The following WNT7B variants were observed in gnomAD, a reference collection of about 807,000 sequenced individuals.
WNT7B encodes the protein protein Wnt-7b.
WNT7B carries 19 observed loss-of-function variants against 38.2 expected under a neutral mutation model. That is an observed-to-expected ratio of 0.50 (90% confidence interval 0.35 to 0.73). The LOEUF (loss-of-function observed/expected upper bound fraction) is 0.73, where lower values mean the gene tolerates loss of function less well. WNT7B is among the 30% of genes least tolerant of loss of function. The pLI, the probability that WNT7B is intolerant of heterozygous loss-of-function variation, is 0.01. For synonymous variants in WNT7B, 243 were observed against 209.3 expected (o/e 1.16, Z -1.39); for missense variants, 423 against 507.9 (o/e 0.83, Z 1.61).
At chr22:45,936,613 G>A (rs1039160845) in intron 2 of WNT7B, among the ~76,000 whole-genome samples, 1 of 152,210 alleles carries the variant, frequency 6.6e-6, no homozygotes, top group Admixed American at 6.5e-5. Flanking sequence ...GCCCTCAAAG[G>A]ACCCCCTGGC....
chr22:45,970,147 G>T (rs1932401761), intron 1 of WNT7B, among the ~76,000 whole-genome samples: 1 of 152,196 alleles, frequency 6.6e-6, no homozygotes. Flanking sequence ...ACGTGTCTGG[G>T]TTCCTCTCCG....
chr22:45,929,898 ATC>A (rs1491269025), intron 3 of WNT7B, among the ~76,000 whole-genome samples: 55 of 150,938 alleles, frequency 3.6e-4, no homozygotes, highest in African/African-American at 1.3e-3. Flanking sequence ...TCATCCACTC[ATC>A]TATCTACCCA....
chr22:45,972,116 G>GGGGGGGGCCCCCCCCCC, intron 1 of WNT7B: 3 of 530,746 alleles, frequency 5.7e-6, no homozygotes, highest in Admixed American at 4.1e-5. Context: ...CCCGGGGGGA[G>GGGGGGGGCCCCCCCCCC]CCCACCCGCC....
intron 1 of WNT7B, among the ~76,000 whole-genome samples, chr22:45,956,176 T>A (rs1932056546): frequency 1.3e-5 from 2 of 152,146 alleles, no homozygotes; most frequent in African/African-American, 4.8e-5. Context: ...AGTCTGCAAA[T>A]TCCTAGCTGT....
chr22:45,949,870 C>T (rs1349328575), intron 2 of WNT7B, 50 bp downstream of exon 2: 12 of 1,555,766 alleles, frequency 7.7e-6, no homozygotes, highest in African/African-American at 1.4e-5. Context: ...GCCTGGCCTA[C>T]TGCCCCTGGC....
chr22:45,974,804 G>C (rs952130801), intron 1 of WNT7B, among the ~76,000 whole-genome samples: 15 of 152,126 alleles, frequency 9.9e-5, no homozygotes, highest in Non-Finnish European at 2.1e-4. Context: ...ACCTCTCTCA[G>C]ACACTGGCCA....
chr22:45,976,933 G>GCCGCCGCCGCCA lies in WNT7B; in HGVS notation c.-191_-180dup. 1 of 989,608 alleles carries GCCGCCGCCGCCA rather than the reference G, an allele frequency of 1.0e-6. No individual in the cohort carries two copies. Among genetic ancestry groups the GCCGCCGCCGCCA allele is most frequent in the Non-Finnish European group, 1.2e-6 (1 of 833,294 alleles). 61.3% of individuals were successfully genotyped at this position (989,608 alleles called of 1,614,324 possible). On this transcript the variant is annotated 5_prime_UTR_variant, in exon 1 of 4. Transcript: ENST00000339464. This position sits in a 1 kb window ranked among gnomAD's most constrained non-coding sequence, Gnocchi z 8.5. ...GCTGCCACCATGGTGAGCCCGGGAT[G>GCCGCCGCCGCCA]CCGCCGCCGCCACCGCCGCGTGAGC...
Position 45,922,840 on chromosome 22 carries a change from G to A in WNT7B, c.*16C>T, listed in dbSNP as rs754534050. On this transcript the variant is annotated 3_prime_UTR_variant, in exon 4 of 4. Coordinates refer to ENST00000339464, the MANE Select transcript of WNT7B (RefSeq NM_058238.3). ...GCCGGGTTCCAGGGTGCCCGCGGCC[G>A]CCTCCGGGCCTGGCCTCACTTGCAG... The A allele has an allele frequency of 5.8e-5, 92 of 1,581,472 alleles. 1 individual carries two copies. The Admixed American group carries it at 6.7e-4, about 12-fold the overall frequency.
At chr22:45,940,290 G>A (rs1931613873) in intron 2 of WNT7B, among the ~76,000 whole-genome samples, 1 of 152,036 alleles carries the variant, frequency 6.6e-6, no homozygotes, top group Admixed American at 6.5e-5. Context: ...GCAGGCGACT[G>A]GCCCAAGGTG....
Position 45,951,854 on chromosome 22 carries a change from G to A in WNT7B, c.72-1708C>T, listed in dbSNP as rs1931941254. Among the ~76,000 whole-genome samples, 1 of 152,180 alleles carries A rather than the reference G, an allele frequency of 6.6e-6. No homozygotes were observed. Among genetic ancestry groups the A allele is most frequent in the Admixed American group, 6.5e-5 (1 of 15,286 alleles). On this transcript the variant is annotated intron_variant, in intron 1 of 3. Coordinates refer to ENST00000339464, the MANE Select transcript of WNT7B (RefSeq NM_058238.3). This position sits in a 1 kb window ranked among gnomAD's most constrained non-coding sequence, Gnocchi z 4.8. Reference sequence around the variant, plus strand: ...ATGCCGCCATGAACGTGCGGGTAAGGTTTCTGTTTGAGCCTGTTTTCAGTC... The same window carrying A: ...ATGCCGCCATGAACGTGCGGGTAAGATTTCTGTTTGAGCCTGTTTTCAGTC...
rs531466140 is a variant in WNT7B at position 45,975,703 on chromosome 22, G to C, written c.71+981C>G. ...TCACCGCCTTGCCTGTGGCCTGGAC[G>C]GGGCTCGCCTCGGGGCAGCCGGCGG... is the stretch of plus-strand genomic sequence containing the variant. On this transcript the variant is annotated intron_variant, in intron 1 of 3. Transcript: ENST00000339464. The surrounding 1 kb of genome is among the most constrained non-coding windows in gnomAD (Gnocchi z 6.6). 2.2e-5 allele frequency: 12 copies of C among 549,496 alleles called. No individual in the cohort carries two copies. The highest frequency in any genetic ancestry group is 3.4e-5 in the Non-Finnish European group (10 of 294,888). 34.0% of individuals were successfully genotyped at this position (549,496 alleles called of 1,614,324 possible).
intron 2 of WNT7B, among the ~76,000 whole-genome samples, chr22:45,940,062 T>C (rs1931608237): frequency 6.6e-6 from 1 of 152,146 alleles, no homozygotes; most frequent in Admixed American, 6.5e-5. Flanking sequence ...TACACAACTC[T>C]GGATATACTA....
At chr22:45,934,306 G>C (rs1052749621) in intron 2 of WNT7B, among the ~76,000 whole-genome samples, 8 of 152,174 alleles carry the variant, frequency 5.3e-5, no homozygotes, top group Admixed American at 5.2e-4. Flanking sequence ...AGGAGAGGGG[G>C]GATGTGGGCT....
chr22:45,943,129 C>G (rs73446505), intron 2 of WNT7B, among the ~76,000 whole-genome samples: 3,886 of 152,146 alleles, frequency 0.026, 174 homozygotes, highest in African/African-American at 0.089. Context: ...GCCAGGTGTA[C>G]TGCTGTATGT....
intron 2 of WNT7B, among the ~76,000 whole-genome samples, chr22:45,932,721 C>T (rs1931406029): frequency 6.6e-6 from 1 of 152,200 alleles, no homozygotes; most frequent in South Asian, 2.1e-4. Context: ...CTCAACCATG[C>T]CAGCTGGAGG....
intron 1 of WNT7B, among the ~76,000 whole-genome samples, chr22:45,963,063 G>A (rs1932232500): frequency 6.6e-6 from 1 of 152,182 alleles, no homozygotes; most frequent in South Asian, 2.1e-4. Context: ...CCGGCCCTGG[G>A]ACTCAGCCTC....
intron 2 of WNT7B, among the ~76,000 whole-genome samples, chr22:45,947,175 C>T (rs527998655): frequency 3.9e-5 from 6 of 152,284 alleles, no homozygotes; most frequent in South Asian, 4.2e-4. Flanking sequence ...CAGATACGCC[C>T]GAAGCTCTGA....
intron 2 of WNT7B, among the ~76,000 whole-genome samples, chr22:45,940,939 A>G (rs945630832): frequency 1.3e-5 from 2 of 152,224 alleles, no homozygotes; most frequent in Non-Finnish European, 2.9e-5. Context: ...ATCAGTGATG[A>G]TGAAGTCGGG....
At chr22:45,923,404 C>A in intron 3 of WNT7B, 69 bp from the exon 4 acceptor site, 1 of 1,526,244 alleles carries the variant, frequency 6.6e-7, no homozygotes, top group Non-Finnish European at 8.8e-7. Context: ...TCCCCTACCC[C>A]TGCCTCTAGC....
Sources: allele counts gnomAD v4.1 joint callset (sites outside exome capture counted in the v4.1 genomes callset), GRCh38; gene constraint gnomAD v4.1.1; non-coding constraint Gnocchi (gnomAD v3.1); transcripts MANE v1.5; gene names NCBI Gene and HGNC (gene_info 2026-07-23, HGNC 2026-07-21).